ARNT2: variants seen among roughly 807,000 people sequenced by gnomAD.
ARNT2 encodes the protein aryl hydrocarbon receptor nuclear translocator 2.
A neutral mutation model predicts 91.7 loss-of-function variants in ARNT2; 36 were observed. The observed-to-expected ratio is 0.39, with a 90% CI of 0.30 to 0.52. ARNT2 has a LOEUF of 0.52. ARNT2 is among the 20% of genes least tolerant of loss of function. ARNT2 has a pLI of 0.72. For synonymous variants in ARNT2, 365 were observed against 347.1 expected (o/e 1.05, Z -0.57); for missense variants, 775 against 939.3 (o/e 0.83, Z 2.29).
At chr15:80,538,374 C>G (rs1192143398) in intron 8 of ARNT2, among the ~76,000 whole-genome samples, 1 of 152,074 alleles carries the variant, frequency 6.6e-6, no homozygotes, top group Non-Finnish European at 1.5e-5. Flanking sequence ...TAGTAAATCT[C>G]AAACTTATAG....
intron 12 of ARNT2, among the ~76,000 whole-genome samples, chr15:80,568,829 G>C (rs542653180): frequency 6.6e-6 from 1 of 152,156 alleles, no homozygotes; most frequent in Non-Finnish European, 1.5e-5. Flanking sequence ...GGCCTTTGCC[G>C]TCTCACAAGT....
At chr15:80,496,191 GA>G (rs997103846) in intron 5 of ARNT2, among the ~76,000 whole-genome samples, 54 of 147,810 alleles carry the variant, frequency 3.7e-4, no homozygotes, top group East Asian at 1.4e-3. Flanking sequence ...ATATTATTTT[GA>G]AAAAAAAAAA....
chr15:80,576,058 G>A (rs533977414), intron 14 of ARNT2, among the ~76,000 whole-genome samples: 1 of 152,102 alleles, frequency 6.6e-6, no homozygotes, highest in Non-Finnish European at 1.5e-5. Flanking sequence ...TTTTATTCTC[G>A]CCTTCTTTCT....
intron 4 of ARNT2, 121 bp from the exon 5 acceptor site, chr15:80,474,889 C>G (rs956128472): frequency 3.2e-5 from 33 of 1,044,256 alleles, no homozygotes; most frequent in Non-Finnish European, 4.7e-5. Flanking sequence ...ATTTCCCAAA[C>G]TATTTGTGTA....
chr15:80,497,397 C>G (rs1196507528), intron 5 of ARNT2, among the ~76,000 whole-genome samples: 2 of 152,274 alleles, frequency 1.3e-5, no homozygotes, highest in South Asian at 4.1e-4. Flanking sequence ...TGAGCAGCCT[C>G]CTAACATGGC....
chr15:80,452,641 A>T (rs1219894573), intron 2 of ARNT2, among the ~76,000 whole-genome samples: 1 of 152,184 alleles, frequency 6.6e-6, no homozygotes, highest in Non-Finnish European at 1.5e-5. Context: ...CCTTTTCCAG[A>T]AGAGGCCAGC....
At chr15:80,578,586 G>A (rs1053567823) in intron 15 of ARNT2, among the ~76,000 whole-genome samples, 26 of 151,656 alleles carry the variant, frequency 1.7e-4, no homozygotes, top group African/African-American at 4.6e-4. Flanking sequence ...ACAGTCCAGC[G>A]TGAGGTGCAG....
chr15:80,548,947 A>G (rs745916580), intron 8 of ARNT2, among the ~76,000 whole-genome samples: 2 of 152,168 alleles, frequency 1.3e-5, no homozygotes, highest in Non-Finnish European at 2.9e-5. Flanking sequence ...ACCTTCAAGA[A>G]TAGCCAAGAA....
chr15:80,459,482 G>T (rs937725962), intron 3 of ARNT2, among the ~76,000 whole-genome samples: 1 of 152,098 alleles, frequency 6.6e-6, no homozygotes, highest in Non-Finnish European at 1.5e-5. Context: ...TGGTTCCTCC[G>T]TGTCAAAATT....
chr15:80,470,821 C>G (rs1437768431), intron 4 of ARNT2, among the ~76,000 whole-genome samples: 1 of 152,212 alleles, frequency 6.6e-6, no homozygotes, highest in African/African-American at 2.4e-5. Flanking sequence ...ATCAAAACCA[C>G]TATGAGATAC....
At chr15:80,427,767 A>G (rs183677093) in intron 1 of ARNT2, among the ~76,000 whole-genome samples, 1 of 152,336 alleles carries the variant, frequency 6.6e-6, no homozygotes, top group African/African-American at 2.4e-5. Flanking sequence ...GGGACATACA[A>G]CTGTTTAGTT....
At chr15:80,453,390 C>T (rs914475759) in intron 2 of ARNT2, among the ~76,000 whole-genome samples, 1 of 152,200 alleles carries the variant, frequency 6.6e-6, no homozygotes, top group African/African-American at 2.4e-5. Context: ...GGAGGGGGCA[C>T]ACAAACCATG....
chr15:80,509,522 G>A (rs1897315174), intron 6 of ARNT2, among the ~76,000 whole-genome samples: 1 of 152,100 alleles, frequency 6.6e-6, no homozygotes, highest in African/African-American at 2.4e-5. Context: ...CATTTTAGTA[G>A]GGGTGATACA....
At chr15:80,486,693 C>T (rs188075043) in intron 5 of ARNT2, among the ~76,000 whole-genome samples, 43 of 152,304 alleles carry the variant, frequency 2.8e-4, no homozygotes, top group African/African-American at 9.9e-4. Flanking sequence ...TGTAGATCAA[C>T]TTGGGTGCAA....
At chr15:80,463,230 A>T (rs1368501232) in intron 3 of ARNT2, among the ~76,000 whole-genome samples, 1 of 152,178 alleles carries the variant, frequency 6.6e-6, no homozygotes, top group Non-Finnish European at 1.5e-5. Context: ...ATCTGGCCTC[A>T]TCTTATCAGT....
intron 1 of ARNT2, among the ~76,000 whole-genome samples, chr15:80,407,701 T>TTG (rs1310203580): frequency 3.3e-5 from 5 of 149,456 alleles, no homozygotes; most frequent in African/African-American, 1.3e-4. Flanking sequence ...ATCTTCCGTT[T>TTG]TGTGTGTCTG....
At chr15:80,436,706 T>C (rs760981579) in intron 1 of ARNT2, among the ~76,000 whole-genome samples, 3 of 152,212 alleles carry the variant, frequency 2.0e-5, no homozygotes, top group Non-Finnish European at 2.9e-5. Flanking sequence ...AAGGGGCACA[T>C]GTCCCTGGTT....
At chr15:80,450,685 G>T (rs1192632343) in intron 1 of ARNT2, among the ~76,000 whole-genome samples, 195 bp from the exon 2 acceptor site, 1 of 152,216 alleles carries the variant, frequency 6.6e-6, no homozygotes, top group Non-Finnish European at 1.5e-5. Flanking sequence ...TGAGAGTACT[G>T]CCAGAGATAC....
chr15:80,574,083 C>G, intron 12 of ARNT2, 65 bp from the exon 13 acceptor site: 1 of 1,420,394 alleles, frequency 7.0e-7, no homozygotes, highest in Non-Finnish European at 1.0e-6. Context: ...GGGAAAAGTC[C>G]TGGCTTAGCC....
Sources: allele counts gnomAD v4.1 joint callset (sites outside exome capture counted in the v4.1 genomes callset), GRCh38; gene constraint gnomAD v4.1.1; transcripts MANE v1.5; gene names NCBI Gene and HGNC (gene_info 2026-07-23, HGNC 2026-07-21).